The following PPP1CB variants were observed in gnomAD, a reference collection of about 807,000 sequenced individuals.
The protein encoded by PPP1CB is serine/threonine-protein phosphatase PP1-beta catalytic subunit.
PPP1CB carries 2 observed loss-of-function variants against 43.7 expected under a neutral mutation model. The ratio of observed to expected loss-of-function variants is 0.05; its 90% CI spans 0.02 to 0.14. The LOEUF (loss-of-function observed/expected upper bound fraction) is 0.14. PPP1CB is among the 10% of genes least tolerant of loss of function. The probability of loss-of-function intolerance (pLI) is 1.00; values close to 1 mark genes in which losing one functional copy is unlikely to be tolerated. For missense variants in PPP1CB, 84 were observed against 398.0 expected, an observed-to-expected ratio of 0.21 and a Z score of 6.71; for synonymous variants, 136 against 135.6, an observed-to-expected ratio of 1.00 and a Z score of -0.02.
At chr2:28,797,795 T>C (rs1212098717) in intron 7 of PPP1CB, among the ~76,000 whole-genome samples, 1 of 152,156 alleles carries the variant, frequency 6.6e-6, no homozygotes, top group East Asian at 1.9e-4. Context: ...TTTACATTTT[T>C]AAAAGAGGCC....
chr2:28,802,852 A>G lies in PPP1CB; in HGVS notation c.*3549A>G, dbSNP rs115172720. Reference sequence around the variant, plus strand: ...CACTACCTTCTACATTGGTTGACTTAGACCGTAAGCTTTTTAAGTTTCTCA... The same window carrying G: ...CACTACCTTCTACATTGGTTGACTTGGACCGTAAGCTTTTTAAGTTTCTCA... On this transcript the variant is annotated 3_prime_UTR_variant, in exon 8 of 8. Coordinates refer to ENST00000395366, the MANE Select transcript of PPP1CB (RefSeq NM_002709.3). 2.8e-3 allele frequency: 424 copies of G among 152,342 alleles called. 4 individuals carry two copies. Among genetic ancestry groups the G allele is most frequent in the African/African-American group, 9.6e-3 (400 of 41,578 alleles). 9.4% of individuals were successfully genotyped at this position (152,342 alleles called of 1,614,324 possible). A position where few individuals can be genotyped will look rare whatever the true frequency, so the allele number is the denominator to read the frequency against.
At chr2:28,776,120 C>G (rs986134123) in intron 1 of PPP1CB, among the ~76,000 whole-genome samples, 1 of 151,578 alleles carries the variant, frequency 6.6e-6, no homozygotes, top group Non-Finnish European at 1.5e-5. Flanking sequence ...TTTAATCTCC[C>G]TTTCTTCATA....
At chr2:28,798,235 T>A (rs1667536561) in intron 7 of PPP1CB, among the ~76,000 whole-genome samples, 1 of 151,996 alleles carries the variant, frequency 6.6e-6, no homozygotes, top group East Asian at 1.9e-4. Context: ...CCAGAATGAG[T>A]GTAGTAAAAA....
At chr2:28,792,070 G>A (rs898664161) in intron 6 of PPP1CB, among the ~76,000 whole-genome samples, 4 of 152,130 alleles carry the variant, frequency 2.6e-5, no homozygotes, top group Admixed American at 1.3e-4. Context: ...GCTGGGCACC[G>A]TGGCTCACGC....
chr2:28,759,394 C>A (rs1445104795), intron 1 of PPP1CB, among the ~76,000 whole-genome samples: 1 of 151,696 alleles, frequency 6.6e-6, no homozygotes, highest in African/African-American at 2.4e-5. Flanking sequence ...CATGCATATG[C>A]CTGTAATCCC....
At chr2:28,776,240 G>A (rs1028191507) in intron 1 of PPP1CB, among the ~76,000 whole-genome samples, 1 of 145,626 alleles carries the variant, frequency 6.9e-6, no homozygotes, top group African/African-American at 2.7e-5. Context: ...TGTTTTTTTT[G>A]TTGTTGTTTT....
intron 2 of PPP1CB, 65 bp downstream of exon 2, chr2:28,777,047 T>G (rs1667058148): frequency 6.5e-7 from 1 of 1,539,306 alleles, no homozygotes; most frequent in Admixed American, 1.9e-5. Flanking sequence ...ATGTTTAAGA[T>G]CTAGAGAAAA....
chr2:28,794,621 G>C (rs986905898), intron 7 of PPP1CB, among the ~76,000 whole-genome samples: 1 of 152,040 alleles, frequency 6.6e-6, no homozygotes, highest in Non-Finnish European at 1.5e-5. Context: ...AACCCGGGAG[G>C]CAGAGGTTGC....
chr2:28,800,226 C>CTTTTTTTTTTTTTTTTTTTTTTTTCT lies in PPP1CB; in HGVS notation c.*946_*947insTCTTTTTTTTTTTTTTTTTTTTTTTT. On this transcript the variant is annotated 3_prime_UTR_variant, in exon 8 of 8. Transcript: ENST00000395366. ...TTGGTTTTCTTTTTCTTTTTTCTTT[C>CTTTTTTTTTTTTTTTTTTTTTTTTCT]TTTTTTTTTTTTTTTTTTTTTTTGA... 1.5e-5 allele frequency: 1 copy of CTTTTTTTTTTTTTTTTTTTTTTTTCT among 65,628 alleles called. No individual in the cohort carries two copies. The highest frequency in any genetic ancestry group is 2.7e-5 in the Non-Finnish European group (1 of 36,888). The allele number at this position is 65,628 out of a possible 1,614,324, so 4.1% of individuals were successfully genotyped here.
Position 28,799,337 on chromosome 2 carries a change from G to A in PPP1CB, c.*34G>A. 6.7e-7 allele frequency: 1 copy of A among 1,500,936 alleles called. No individual in the cohort carries two copies. The highest frequency in any genetic ancestry group is 2.3e-5 in the East Asian group (1 of 44,198). 93.0% of individuals were successfully genotyped at this position (1,500,936 alleles called of 1,614,324 possible). On this transcript the variant is annotated 3_prime_UTR_variant, in exon 8 of 8. Coordinates refer to ENST00000395366, the MANE Select transcript of PPP1CB (RefSeq NM_002709.3). ...ATTCTGTAAAGAAACCATCAGATTT[G>A]TTAAGGACATACTTCATAATATATA...
intron 1 of PPP1CB, among the ~76,000 whole-genome samples, chr2:28,758,018 A>G (rs1323238813): frequency 1.3e-5 from 2 of 149,994 alleles, no homozygotes; most frequent in African/African-American, 2.5e-5. Context: ...ATACATTCCA[A>G]TGCCATGCAT....
chr2:28,788,626 G>C, intron 5 of PPP1CB, 32 bp from the exon 6 acceptor site: 1 of 1,599,158 alleles, frequency 6.3e-7, no homozygotes, highest in Non-Finnish European at 8.5e-7. Context: ...TGTAAATTTT[G>C]TTCTTAATTG....
chr2:28,787,713 TTACTA>T (rs1160112665), intron 5 of PPP1CB, among the ~76,000 whole-genome samples: 5 of 152,206 alleles, frequency 3.3e-5, no homozygotes, highest in Admixed American at 6.5e-5. Flanking sequence ...CGGGATACGT[TTACTA>T]TACTAAGCCC....
At chr2:28,761,132 T>C (rs922882085) in intron 1 of PPP1CB, among the ~76,000 whole-genome samples, 2 of 152,196 alleles carry the variant, frequency 1.3e-5, no homozygotes, top group African/African-American at 2.4e-5. Context: ...CCTTGTGATT[T>C]GCCCACCTTG....
chr2:28,798,796 T>C lies in PPP1CB; in HGVS notation c.880-403T>C, dbSNP rs1437742356. On this transcript the variant is annotated intron_variant, in intron 7 of 7. Transcript: ENST00000395366. ...TAAAGCTGTTTTTTAAGTAAAAAGA[T>C]CTATTTATACATAAATAAATAAGGT... is the stretch of plus-strand genomic sequence containing the variant. 2.6e-5 allele frequency among the ~76,000 whole-genome samples: 4 copies of C among 152,052 alleles called. 1 individual carries two copies. Among genetic ancestry groups the C allele is most frequent in the Admixed American group, 1.3e-4 (2 of 15,254 alleles).
In PPP1CB at chr2:28,800,538, A is replaced by C. The variant is rs2148065137; in HGVS notation, c.*1235A>C. ...ATAGACAAGCTTTGTAGTGAAGTAT[A>C]GTAGCAATAATTTCTGTACCTGATC... On this transcript the variant is annotated 3_prime_UTR_variant, in exon 8 of 8. Transcript: ENST00000395366. The C allele has an allele frequency of 6.5e-6, 1 of 152,686 alleles. No homozygotes were observed. Among genetic ancestry groups the C allele is most frequent in the East Asian group, 1.9e-4 (1 of 5,196 alleles). 9.5% of individuals were successfully genotyped at this position (152,686 alleles called of 1,614,324 possible).
intron 1 of PPP1CB, among the ~76,000 whole-genome samples, chr2:28,771,273 C>T (rs1430828443): frequency 6.6e-6 from 1 of 151,956 alleles, no homozygotes; most frequent in African/African-American, 2.4e-5. Context: ...AGGCTGGTCT[C>T]TTCCTGACCT....
chr2:28,767,740 A>C (rs1225267763), intron 1 of PPP1CB, among the ~76,000 whole-genome samples: 3 of 152,164 alleles, frequency 2.0e-5, no homozygotes, highest in Admixed American at 6.5e-5. Context: ...GTTTCATATA[A>C]TTTTTATATG....
intron 1 of PPP1CB, among the ~76,000 whole-genome samples, chr2:28,757,732 G>A (rs1666526964): frequency 6.6e-6 from 1 of 152,154 alleles, no homozygotes; most frequent in Admixed American, 6.6e-5. Flanking sequence ...CAGAGATTAG[G>A]TGTTTGTTTT....
Sources: allele counts gnomAD v4.1 joint callset (sites outside exome capture counted in the v4.1 genomes callset), GRCh38; gene constraint gnomAD v4.1.1; transcripts MANE v1.5; gene names NCBI Gene and HGNC (gene_info 2026-07-23, HGNC 2026-07-21).